Variants in BBS9 observed in about 807,000 individuals in gnomAD.
BBS9 encodes protein PTHB1.
In BBS9, 89 loss-of-function variants were observed where a neutral mutation model predicts 117.7. That is an observed-to-expected ratio of 0.76 (90% CI 0.64 to 0.90). The LOEUF is 0.90. Among genes scored for constraint, BBS9 ranks in the 40% least tolerant of loss-of-function variants. The pLI is 0.00. For synonymous variants in BBS9, 379 were observed against 370.9 expected, an observed-to-expected ratio of 1.02 and a Z score of -0.25; for missense variants, 982 against 1,042.2, an observed-to-expected ratio of 0.94 and a Z score of 0.80.
At chr7:33,321,014 C>A (rs775181324) in intron 9 of BBS9, among the ~76,000 whole-genome samples, 1 of 151,952 alleles carries the variant, frequency 6.6e-6, no homozygotes, top group Non-Finnish European at 1.5e-5. Context: ...TTCTTGACAG[C>A]CTTATCAAAA....
chr7:33,217,498 T>A (rs13227491), intron 5 of BBS9, among the ~76,000 whole-genome samples: 3,646 of 152,322 alleles, frequency 0.024, 63 homozygotes, highest in Middle Eastern at 0.041. Context: ...ATTAAACATG[T>A]TTAGCTCCTC....
At chr7:33,613,306 C>T (rs1029015231) in intron 21 of BBS9, among the ~76,000 whole-genome samples, 3 of 152,076 alleles carry the variant, frequency 2.0e-5, no homozygotes, top group Non-Finnish European at 2.9e-5. Flanking sequence ...AAATGTAAGA[C>T]TGTTGTTCCC....
chr7:33,600,359 A>G (rs1863605887), intron 21 of BBS9, among the ~76,000 whole-genome samples: 1 of 151,448 alleles, frequency 6.6e-6, no homozygotes, highest in Non-Finnish European at 1.5e-5. Context: ...TGCCTTTTAC[A>G]AAAGTATTGG....
intron 21 of BBS9, among the ~76,000 whole-genome samples, chr7:33,543,391 C>G (rs1227009938): frequency 6.6e-6 from 1 of 151,770 alleles, no homozygotes; most frequent in Non-Finnish European, 1.5e-5. Flanking sequence ...TGAAGATTTT[C>G]TCCCACTCTG....
At chr7:33,304,314 G>A (rs541938148) in intron 9 of BBS9, among the ~76,000 whole-genome samples, 62 of 123,294 alleles carry the variant, frequency 5.0e-4, no homozygotes, top group African/African-American at 1.6e-3. Flanking sequence ...CGGCCGCCCC[G>A]TCTGGGAAGT....
At chr7:33,432,351 C>T (rs985440880) in intron 19 of BBS9, among the ~76,000 whole-genome samples, 5 of 151,796 alleles carry the variant, frequency 3.3e-5, no homozygotes, top group South Asian at 4.2e-4. Context: ...CCTCGTGATC[C>T]GCCCACCTCG....
At chr7:33,531,101 C>T (rs1381687265) in intron 20 of BBS9, among the ~76,000 whole-genome samples, 1 of 152,078 alleles carries the variant, frequency 6.6e-6, no homozygotes, top group African/African-American at 2.4e-5. Context: ...AAAAATTAGC[C>T]AGATGTGGTG....
chr7:33,440,559 G>A (rs1836010753), intron 19 of BBS9, among the ~76,000 whole-genome samples: 2 of 152,158 alleles, frequency 1.3e-5, no homozygotes, highest in South Asian at 4.1e-4. Context: ...CAATTTTGAG[G>A]GGCTGCACTC....
At chr7:33,324,609 T>G (rs892091117) in intron 9 of BBS9, among the ~76,000 whole-genome samples, 1 of 152,024 alleles carries the variant, frequency 6.6e-6, no homozygotes, top group Non-Finnish European at 1.5e-5. Context: ...CATTTTTTTT[T>G]TTTTTTTCCA....
rs189518599 is a variant in BBS9, at chr7:33,311,104, C to G, written c.1017-25337C>G. Among the ~76,000 whole-genome samples the G allele has an allele frequency of 2.3e-3, 350 of 152,260 alleles. 1 individual carries two copies. The highest frequency in any genetic ancestry group is 8.0e-3 in the African/African-American group (333 of 41,542). On this transcript the variant is annotated intron_variant, in intron 9 of 22. Transcript: ENST00000242067. ...GACATATTGAAATCCAATGGCTAAG[C>G]AGACCTGAACCAGACAAAGATCCTT...
intron 21 of BBS9, among the ~76,000 whole-genome samples, chr7:33,588,278 A>AGAGCAGC: frequency 6.6e-6 from 1 of 152,274 alleles, no homozygotes; most frequent in East Asian, 1.9e-4. Context: ...TTTGGTTCAC[A>AGAGCAGC]GAGCAGCCAG....
At chr7:33,495,562 C>T (rs1247541056) in intron 19 of BBS9, among the ~76,000 whole-genome samples, 3 of 152,106 alleles carry the variant, frequency 2.0e-5, no homozygotes, top group Non-Finnish European at 2.9e-5. Flanking sequence ...GCTTTAATAG[C>T]GATCTGTTCA....
chr7:33,208,884 C>CA (rs1394441813), intron 5 of BBS9, among the ~76,000 whole-genome samples: 8 of 151,914 alleles, frequency 5.3e-5, no homozygotes, highest in Non-Finnish European at 1.0e-4. Flanking sequence ...TATATGCATA[C>CA]AATGCATAAT....
intron 19 of BBS9, among the ~76,000 whole-genome samples, chr7:33,450,881 T>G (rs11975550): frequency 0.075 from 11,348 of 151,316 alleles, 471 homozygotes; most frequent in East Asian, 0.14. Flanking sequence ...TTTTTTGTTT[T>G]TTTGTTTTTT....
chr7:33,619,105 G>T (rs778441323), intron 21 of BBS9, among the ~76,000 whole-genome samples: 1 of 152,072 alleles, frequency 6.6e-6, no homozygotes, highest in Non-Finnish European at 1.5e-5. Flanking sequence ...CAGCATAGAA[G>T]AGATTCACTT....
intron 5 of BBS9, among the ~76,000 whole-genome samples, chr7:33,233,238 TTTTG>T (rs1232744274): frequency 6.6e-6 from 1 of 152,118 alleles, no homozygotes; most frequent in Admixed American, 6.6e-5. Flanking sequence ...TCTCTTTTTG[TTTTG>T]TTTTTGTTTT....
chr7:33,250,610 T>C (rs1382975233), intron 5 of BBS9, among the ~76,000 whole-genome samples: 1 of 152,230 alleles, frequency 6.6e-6, no homozygotes, highest in Non-Finnish European at 1.5e-5. Flanking sequence ...GAAGGATTTA[T>C]TTATTTATTT....
At chr7:33,218,835 G>A (rs1030503490) in intron 5 of BBS9, among the ~76,000 whole-genome samples, 2 of 152,264 alleles carry the variant, frequency 1.3e-5, no homozygotes, top group Admixed American at 6.5e-5. Context: ...GCCCTCGCTC[G>A]CTCTCGGCAC....
chr7:33,147,171 G>GT (rs1374653275), intron 2 of BBS9, among the ~76,000 whole-genome samples: 1 of 151,868 alleles, frequency 6.6e-6, no homozygotes, highest in Non-Finnish European at 1.5e-5. Flanking sequence ...GCATCTTCAT[G>GT]TTTTTTAAGT....
Sources: allele counts gnomAD v4.1 joint callset (sites outside exome capture counted in the v4.1 genomes callset), GRCh38; gene constraint gnomAD v4.1.1; transcripts MANE v1.5; gene names NCBI Gene and HGNC (gene_info 2026-07-23, HGNC 2026-07-21).